The following SNX1 variants were observed in gnomAD, a reference collection of about 807,000 sequenced individuals.
SNX1 encodes the protein sorting nexin 1.
SNX1 carries 36 observed loss-of-function variants against 71.8 expected under a neutral mutation model. The observed-to-expected ratio is 0.50, with a 90% CI of 0.38 to 0.66. The LOEUF (loss-of-function observed/expected upper bound fraction) is 0.66, where lower values mean the gene tolerates loss of function less well. Ranked by LOEUF, SNX1 falls within the 30% of genes least tolerant of loss-of-function variation. The probability of loss-of-function intolerance (pLI) is 0.00; values close to 1 mark genes in which losing one functional copy is unlikely to be tolerated. For missense variants in SNX1, 612 were observed against 646.7 expected, an observed-to-expected ratio of 0.95 and a Z score of 0.58; for synonymous variants, 254 against 240.7, an observed-to-expected ratio of 1.06 and a Z score of -0.51.
At chr15:64,126,302 A>T in intron 6 of SNX1, 82 bp downstream of exon 6, 4 of 1,372,534 alleles carry the variant, frequency 2.9e-6, no homozygotes, top group Non-Finnish European at 4.0e-6. Flanking sequence ...AGTATATGAG[A>T]CTACTTCTAT....
chr15:64,110,482 G>A (rs764586340), intron 1 of SNX1, among the ~76,000 whole-genome samples: 3 of 152,054 alleles, frequency 2.0e-5, no homozygotes, highest in Admixed American at 6.6e-5. Flanking sequence ...CTGCAACCTC[G>A]ACCTCCTGGG....
intron 1 of SNX1, chr15:64,111,391 G>A (rs552590393): frequency 5.3e-5 from 8 of 152,164 alleles, no homozygotes; most frequent in Non-Finnish European, 1.2e-4. Flanking sequence ...TAGAAGGATT[G>A]TTTGCTCATA....
chr15:64,127,950 A>G (rs942110220), intron 8 of SNX1, 144 bp downstream of exon 8: 1 of 619,138 alleles, frequency 1.6e-6, no homozygotes, highest in Non-Finnish European at 2.8e-6. Context: ...GAGAGTGACA[A>G]GTATTTTTCA....
intron 12 of SNX1, 144 bp from the exon 13 acceptor site, chr15:64,136,186 C>T (rs1434216124): frequency 7.5e-6 from 5 of 664,680 alleles, no homozygotes; most frequent in Admixed American, 2.3e-5. Flanking sequence ...GTGTGGAATC[C>T]TCTGTGACAC....
rs921316987 is a variant in SNX1, at chr15:64,143,370, C to T, written c.*5752C>T. The T allele has an allele frequency of 1.3e-5, 2 of 152,238 alleles. No individual in the cohort carries two copies. The highest frequency in any genetic ancestry group is 4.8e-5 in the African/African-American group (2 of 41,450). 9.4% of individuals were successfully genotyped at this position (152,238 alleles called of 1,614,324 possible). ...AAAGTTGGGTGATTTACAGTCTCCA[C>T]CAAATGCTAAACTCTGGGGTCTTAC... On this transcript the variant is annotated 3_prime_UTR_variant, in exon 15 of 15. Transcript: ENST00000559844.
chr15:64,133,259 G>A (rs1744627720), intron 11 of SNX1, among the ~76,000 whole-genome samples: 1 of 152,194 alleles, frequency 6.6e-6, no homozygotes, highest in African/African-American at 2.4e-5. Flanking sequence ...CAGTGGGTTG[G>A]GCTTGAGTCT....
intron 1 of SNX1, among the ~76,000 whole-genome samples, chr15:64,103,632 A>G (rs922499799): frequency 6.6e-6 from 1 of 152,204 alleles, no homozygotes; most frequent in Admixed American, 6.5e-5. Context: ...TTATGGAAAG[A>G]TTGTTAACTA....
chr15:64,120,169 G>A (rs778534367), intron 4 of SNX1, among the ~76,000 whole-genome samples: 9 of 151,986 alleles, frequency 5.9e-5, no homozygotes, highest in Non-Finnish European at 1.0e-4. Flanking sequence ...AACAGGAGTG[G>A]TGTTTATACA....
chr15:64,131,296 G>C (rs1384620448), intron 10 of SNX1, among the ~76,000 whole-genome samples: 1 of 152,120 alleles, frequency 6.6e-6, no homozygotes, highest in Non-Finnish European at 1.5e-5. Context: ...AAGACTATAC[G>C]ATGTGCACAT....
chr15:64,121,335 G>T (rs2081194784), intron 4 of SNX1, among the ~76,000 whole-genome samples: 1 of 152,184 alleles, frequency 6.6e-6, no homozygotes, highest in Admixed American at 6.5e-5. Flanking sequence ...CTGTGAAGGT[G>T]CTAGGGAAGG....
chr15:64,118,724 C>A (rs1009125481), intron 3 of SNX1, 64 bp from the exon 4 acceptor site: 2 of 1,236,690 alleles, frequency 1.6e-6, no homozygotes, highest in Non-Finnish European at 2.4e-6. Flanking sequence ...AAGGTTATTA[C>A]AGGGTAAAAT....
chr15:64,124,244 C>T (rs1245744393), intron 5 of SNX1, among the ~76,000 whole-genome samples: 4 of 149,066 alleles, frequency 2.7e-5, no homozygotes, highest in South Asian at 2.2e-4. Flanking sequence ...CGGTGGCTCA[C>T]GCCTGTAATT....
Position 64,129,936 on chromosome 15 carries a change from C to G in SNX1, c.828C>G (p.Thr276=). The G allele has an allele frequency of 1.9e-6, 3 of 1,614,048 alleles. No individual in the cohort carries two copies. Among genetic ancestry groups the G allele is most frequent in the Non-Finnish European group, 1.7e-6 (2 of 1,179,984 alleles). ...TGTAGCTGCCACGTGCCGTGGGTAC[C>G]CAGACATTGAGTGGTGCTGGTCTCC... is the stretch of plus-strand genomic sequence containing the variant. The part of the protein sequence containing the change: ...EKEELPRAVG[T]QTLSGAGLLK... The change falls in exon 9 of 15, where the codon ACC becomes ACG. Residue 276 remains threonine (T), a synonymous_variant. Transcript: ENST00000559844. The surrounding 1 kb of genome is among the most constrained non-coding windows in gnomAD (Gnocchi z 4.4).
intron 4 of SNX1, among the ~76,000 whole-genome samples, chr15:64,120,702 A>G (rs1048507380): frequency 6.6e-6 from 1 of 152,100 alleles, no homozygotes; most frequent in African/African-American, 2.4e-5. Context: ...TTACAGAGGC[A>G]TGGCGGTACA....
rs74019207 is a variant in SNX1, at chr15:64,123,780, G to A, written c.510+234G>A. ...TTTCAGTGTGATTCTATTAACTCGT[G>A]GTATATCTGATACAGCCCCATCCCT... On this transcript the variant is annotated intron_variant, in intron 5 of 14. Transcript: ENST00000559844. Among the ~76,000 whole-genome samples the A allele has an allele frequency of 2.8e-3, 431 of 152,126 alleles. 4 individuals are homozygous for A. Among genetic ancestry groups the A allele is most frequent in the African/African-American group, 9.8e-3 (408 of 41,490 alleles).
rs1413154900 is a variant in SNX1 at position 64,096,041 on chromosome 15, G to A, written c.28G>A (p.Ala10Thr). 3.8e-6 allele frequency: 6 copies of A among 1,593,886 alleles called. No homozygotes were observed. The highest frequency in any genetic ancestry group is 5.1e-6 in the Non-Finnish European group (6 of 1,174,354). The change falls in exon 1 of 15, where the codon GCT (alanine) becomes ACT (threonine). Residue 10 changes from alanine (A) to threonine (T), a missense_variant. By Grantham distance (58) the Ala-to-Thr change is moderately conservative. This residue lies in a region of SNX1 where 316 missense variants were observed against 284.9 expected (regional missense o/e 1.11). Coordinates refer to ENST00000559844, the MANE Select transcript of SNX1 (RefSeq NM_003099.5). MASGGGGCSASERLPPPFPG... is the reference protein window; with the variant it reads MASGGGGCSTSERLPPPFPG... ...GGCGTCGGGTGGTGGTGGCTGTAGC[G>A]CTTCGGAGAGACTGCCTCCGCCCTT...
rs774127516 is a variant in SNX1, at chr15:64,134,899, G to C, written c.1365+92G>C. The C allele has an allele frequency of 6.6e-5, 99 of 1,505,502 alleles. No homozygotes were observed. Among genetic ancestry groups the C allele is most frequent in the Non-Finnish European group, 8.2e-5 (91 of 1,113,746 alleles). The allele number at this position is 1,505,502 out of a possible 1,614,324, so 93.3% of individuals were successfully genotyped here. ...CACCCAGAGGTTTGGAACCCCACAGGGGGAAGAGCGCTGATTGAGTCTAAA... is the reference window on the plus strand; with the variant it reads ...CACCCAGAGGTTTGGAACCCCACAGCGGGAAGAGCGCTGATTGAGTCTAAA... On this transcript the variant is annotated intron_variant, in intron 12 of 14. Coordinates refer to ENST00000559844, the MANE Select transcript of SNX1 (RefSeq NM_003099.5). The surrounding 1 kb of genome is among the most constrained non-coding windows in gnomAD (Gnocchi z 4.1).
At chr15:64,106,817 C>T (rs1246565679) in intron 1 of SNX1, among the ~76,000 whole-genome samples, 1 of 152,216 alleles carries the variant, frequency 6.6e-6, no homozygotes, top group Non-Finnish European at 1.5e-5. Flanking sequence ...TTTCCTAGAA[C>T]CTCCAGAAAG....
rs764229911 is a variant in SNX1, at chr15:64,137,614, C to T, written c.1565C>T (p.Ser522Phe). The change falls in exon 15 of 15, where the codon TCC becomes TTC. Residue 522 changes from serine to phenylalanine, a missense_variant. Ser to Phe is a radical substitution (Grantham distance 155). Transcript: ENST00000559844. ...EAFLPEAKAI[S>F] ...TTCCTTCCTGAGGCAAAGGCCATCT[C>T]CTAATGGACCAAGGACCCCAGAGCC... 2.0e-5 allele frequency: 32 copies of T among 1,614,116 alleles called. No homozygotes were observed. The highest frequency in any genetic ancestry group is 7.7e-5 in the South Asian group (7 of 91,096).
Sources: allele counts gnomAD v4.1 joint callset (sites outside exome capture counted in the v4.1 genomes callset), GRCh38; gene constraint gnomAD v4.1.1; regional missense constraint gnomAD v4.1.1; non-coding constraint Gnocchi (gnomAD v3.1); transcripts MANE v1.5; gene names NCBI Gene and HGNC (gene_info 2026-07-23, HGNC 2026-07-21).